Variants in CFAP61 observed in about 807,000 individuals in gnomAD.
The protein encoded by CFAP61 is cilia- and flagella-associated protein 61.
Under a neutral mutation model 135.6 loss-of-function variants are expected in CFAP61, and 107 were observed. That is an observed-to-expected ratio of 0.79 (90% CI 0.67 to 0.93). The LOEUF (loss-of-function observed/expected upper bound fraction) is 0.93. Among genes scored for constraint, CFAP61 ranks in the 40% least tolerant of loss-of-function variants. CFAP61 has a pLI of 0.00. For synonymous variants in CFAP61, 575 were observed against 578.5 expected (o/e 0.99, Z 0.09); for missense variants, 1,507 against 1,556.2 (o/e 0.97, Z 0.53).
At chr20:20,147,038 T>C (rs1025168646) in intron 9 of CFAP61, among the ~76,000 whole-genome samples, 2 of 152,238 alleles carry the variant, frequency 1.3e-5, no homozygotes, top group Non-Finnish European at 2.9e-5. Context: ...CTTAGAATAA[T>C]GGCCTCCAGC....
chr20:20,180,923 C>T (rs1377809821), intron 13 of CFAP61, among the ~76,000 whole-genome samples: 1 of 152,028 alleles, frequency 6.6e-6, no homozygotes, highest in Non-Finnish European at 1.5e-5. Context: ...CCAAATACCA[C>T]ACATTCTCAC....
At position 20,170,919 on chromosome 20, in the gene CFAP61, C is replaced by T. The variant is rs572341368; in HGVS notation, c.1385+1459C>T. ...TATTGAGGGTTTATAGTGTGCCAGG[C>T]GCTTTCTTAATAATCACTTTCCATG... On this transcript the variant is annotated intron_variant, in intron 13 of 26. Coordinates refer to ENST00000245957, the MANE Select transcript of CFAP61 (RefSeq NM_015585.4). 7.9e-5 allele frequency among the ~76,000 whole-genome samples: 12 copies of T among 152,242 alleles called. No homozygotes were observed. The South Asian group carries it at 8.3e-4, about 11-fold the overall frequency.
Position 20,070,934 on chromosome 20 carries a change from A to C in CFAP61, c.224A>C (p.Asn75Thr), listed in dbSNP as rs535313366. The C allele has an allele frequency of 6.2e-6, 10 of 1,614,146 alleles. No homozygotes were observed. The South Asian group carries it at 1.1e-4, about 18-fold the overall frequency. Residue 75 changes from asparagine (N) to threonine (T), a missense_variant, in exon 3 of 27, where the codon AAC becomes ACC. By Grantham distance (65) the Asn-to-Thr change is moderately conservative (BLOSUM62 0). Coordinates refer to ENST00000245957, the MANE Select transcript of CFAP61 (RefSeq NM_015585.4). The part of the protein sequence containing the change: ...MAQATFLDYP[N>T]WNVAKQDDWV... ...CAGGCCACCTTCCTGGACTACCCCA[A>C]CTGGAATGTTGCCAAGCAGGATGAC...
intron 18 of CFAP61, among the ~76,000 whole-genome samples, chr20:20,233,124 G>C (rs370142103): frequency 9.8e-5 from 15 of 152,292 alleles, no homozygotes; most frequent in African/African-American, 3.6e-4. Flanking sequence ...TCCTGTTATC[G>C]GGCCGTGCAG....
chr20:20,347,379 G>A (rs949790619), intron 26 of CFAP61, among the ~76,000 whole-genome samples: 7 of 152,068 alleles, frequency 4.6e-5, no homozygotes, highest in African/African-American at 1.7e-4. Flanking sequence ...ATAAGGATTA[G>A]AACAAAGATA....
intron 2 of CFAP61, among the ~76,000 whole-genome samples, chr20:20,057,509 G>A (rs1227471675): frequency 6.6e-6 from 1 of 152,172 alleles, no homozygotes; most frequent in African/African-American, 2.4e-5. Flanking sequence ...CCATCTCACA[G>A]ATGAGAATGG....
chr20:20,080,696 A>G (rs545835310), intron 6 of CFAP61, among the ~76,000 whole-genome samples: 3 of 152,224 alleles, frequency 2.0e-5, no homozygotes, highest in South Asian at 4.1e-4. Flanking sequence ...AGTGCTGAGT[A>G]TTTTCAGTTA....
At chr20:20,079,969 A>G (rs1018888736) in intron 6 of CFAP61, among the ~76,000 whole-genome samples, 2 of 152,146 alleles carry the variant, frequency 1.3e-5, no homozygotes, top group Middle Eastern at 3.2e-3. Context: ...TTAAAGAAAT[A>G]TTACCTTCAG....
chr20:20,163,542 C>T (rs1413240158), intron 10 of CFAP61, among the ~76,000 whole-genome samples: 1 of 151,970 alleles, frequency 6.6e-6, no homozygotes, highest in Non-Finnish European at 1.5e-5. Context: ...CAAAGGCCAA[C>T]TGAAACTATT....
At chr20:20,119,537 G>T (rs755753868) in intron 8 of CFAP61, among the ~76,000 whole-genome samples, 1 of 151,716 alleles carries the variant, frequency 6.6e-6, no homozygotes, top group Non-Finnish European at 1.5e-5. Context: ...GTCTATTTTT[G>T]TACCTTTCAA....
At chr20:20,119,285 A>C (rs956787622) in intron 8 of CFAP61, among the ~76,000 whole-genome samples, 1 of 151,880 alleles carries the variant, frequency 6.6e-6, no homozygotes, top group Non-Finnish European at 1.5e-5. Context: ...TATGGCTTCG[A>C]TTTTGTTATT....
chr20:20,238,810 C>T (rs2049796485), intron 18 of CFAP61, among the ~76,000 whole-genome samples: 1 of 152,192 alleles, frequency 6.6e-6, no homozygotes, highest in South Asian at 2.1e-4. Context: ...TCCCTGGATA[C>T]CCTAATCCCT....
intron 6 of CFAP61, among the ~76,000 whole-genome samples, chr20:20,080,116 A>G (rs2046332167): frequency 1.3e-5 from 2 of 152,124 alleles, no homozygotes; most frequent in South Asian, 4.1e-4. Flanking sequence ...AGATGGGTTT[A>G]TTTAATAAAA....
chr20:20,092,876 A>G (rs1446871005), intron 7 of CFAP61, among the ~76,000 whole-genome samples: 1 of 152,236 alleles, frequency 6.6e-6, no homozygotes, highest in African/African-American at 2.4e-5. Flanking sequence ...TGGAAGCCTC[A>G]TCCATTGCTG....
intron 2 of CFAP61, among the ~76,000 whole-genome samples, chr20:20,065,894 G>T (rs1460228302): frequency 6.6e-6 from 1 of 152,146 alleles, no homozygotes; most frequent in African/African-American, 2.4e-5. Context: ...GTTTCTGGGT[G>T]ATGGTGTTGT....
At chr20:20,217,137 T>C (rs939755744) in intron 17 of CFAP61, among the ~76,000 whole-genome samples, 2 of 152,252 alleles carry the variant, frequency 1.3e-5, no homozygotes, top group African/African-American at 4.8e-5. Context: ...TAGCATACTC[T>C]GTAGGAATTT....
At chr20:20,138,051 G>A (rs2051072783) in intron 8 of CFAP61, among the ~76,000 whole-genome samples, 1 of 152,120 alleles carries the variant, frequency 6.6e-6, no homozygotes, top group Non-Finnish European at 1.5e-5. Context: ...TGTCATCCAG[G>A]AGCCAGGGCC....
intron 17 of CFAP61, among the ~76,000 whole-genome samples, 199 bp from the exon 18 acceptor site, chr20:20,228,050 C>G (rs2048867128): frequency 6.6e-6 from 1 of 152,226 alleles, no homozygotes; most frequent in Admixed American, 6.5e-5. Flanking sequence ...GCTGGGATGT[C>G]AGGCATATCC....
rs77272563 is a variant in CFAP61 at position 20,191,891 on chromosome 20, G to T, written c.1590+472G>T. ...CTGAATAATCCATTCGTTCCCTTTT[G>T]ATTTTAAAATGCTGCTTTTACATTT... On this transcript the variant is annotated intron_variant, in intron 15 of 26. Transcript: ENST00000245957. Among the ~76,000 whole-genome samples, 16 of 151,896 alleles carry T rather than the reference G, an allele frequency of 1.1e-4. 1 individual carries two copies. The highest frequency in any genetic ancestry group is 3.9e-4 in the African/African-American group (16 of 41,396).
Sources: allele counts gnomAD v4.1 joint callset (sites outside exome capture counted in the v4.1 genomes callset), GRCh38; gene constraint gnomAD v4.1.1; transcripts MANE v1.5; gene names NCBI Gene and HGNC (gene_info 2026-07-23, HGNC 2026-07-21).